The following DIAPH2 variants were observed in gnomAD, a reference collection of about 807,000 sequenced individuals.
DIAPH2 encodes protein diaphanous homolog 2.
Under a neutral mutation model 92.7 loss-of-function variants are expected in DIAPH2, and 35 were observed. The observed-to-expected ratio is 0.38, with a 90% CI of 0.29 to 0.50. The LOEUF (loss-of-function observed/expected upper bound fraction) is 0.50, where lower values mean the gene tolerates loss of function less well. Ranked by LOEUF, DIAPH2 falls within the 20% of genes least tolerant of loss-of-function variation. The pLI is 0.94. For missense variants in DIAPH2, 701 were observed against 819.5 expected (o/e 0.86, Z 1.77); for synonymous variants, 301 against 280.4 (o/e 1.07, Z -0.73).
chrX:97,211,529 C>G (rs1437853043), intron 22 of DIAPH2, among the ~76,000 whole-genome samples: 1 of 111,400 alleles, frequency 9.0e-6, no homozygotes, highest in Non-Finnish European at 1.9e-5. Flanking sequence ...AGACATTGGC[C>G]AGCCCTAGGT....
intron 25 of DIAPH2, among the ~76,000 whole-genome samples, chrX:97,406,857 C>T (rs6620272): frequency 0.38 from 42,216 of 109,881 alleles, 5,819 homozygotes; most frequent in East Asian, 0.56. Flanking sequence ...GGTCCTAAAT[C>T]TTTGCCAAGG....
chrX:97,598,192 C>T (rs1214754294), intron 26 of DIAPH2, among the ~76,000 whole-genome samples: 1 of 111,797 alleles, frequency 8.9e-6, no homozygotes, highest in Non-Finnish European at 1.9e-5. Flanking sequence ...TGGGAGGCCC[C>T]AACCTTTAAC....
intron 4 of DIAPH2, among the ~76,000 whole-genome samples, chrX:96,862,844 C>T (rs935167185): frequency 9.0e-6 from 1 of 111,535 alleles, no homozygotes; most frequent in East Asian, 2.8e-4. Context: ...GAATCCTGGA[C>T]TGTAAACTTT....
chrX:97,177,358 G>A (rs760041642), intron 22 of DIAPH2, among the ~76,000 whole-genome samples: 1 of 111,562 alleles, frequency 9.0e-6, no homozygotes, highest in East Asian at 2.8e-4. Flanking sequence ...GGTTTATATA[G>A]GATTGGACCC....
chrX:97,275,136 G>A (rs1167859884), intron 23 of DIAPH2, among the ~76,000 whole-genome samples: 9 of 112,285 alleles, frequency 8.0e-5, no homozygotes, highest in Admixed American at 5.6e-4. Context: ...ATCATGGCCC[G>A]TTCTCAATGA....
At chrX:96,904,813 AT>A (rs200469205) in intron 5 of DIAPH2, among the ~76,000 whole-genome samples, 3 of 110,986 alleles carry the variant, frequency 2.7e-5, no homozygotes, top group African/African-American at 3.3e-5. Context: ...ATGTTTTCCT[AT>A]TTTAAAAAAA....
At chrX:97,106,846 C>T (rs1040285983) in intron 20 of DIAPH2, among the ~76,000 whole-genome samples, 22 of 111,906 alleles carry the variant, frequency 2.0e-4, no homozygotes, top group Non-Finnish European at 3.8e-4. Flanking sequence ...GCAGGAGAAT[C>T]GTTTGAACGT....
intron 26 of DIAPH2, among the ~76,000 whole-genome samples, chrX:97,565,146 G>A (rs1295321900): frequency 9.0e-6 from 1 of 111,549 alleles, no homozygotes; most frequent in Non-Finnish European, 1.9e-5. Context: ...TAGTGCTTGT[G>A]GATGCCATCT....
At chrX:97,067,749 A>T (rs1385542079) in intron 17 of DIAPH2, among the ~76,000 whole-genome samples, 1 of 112,010 alleles carries the variant, frequency 8.9e-6, no homozygotes, top group East Asian at 2.8e-4. Flanking sequence ...TCAGCATTGT[A>T]TTTGGCATCA....
chrX:97,185,126 T>A (rs1361618241), intron 22 of DIAPH2, among the ~76,000 whole-genome samples: 2 of 98,029 alleles, frequency 2.0e-5, no homozygotes, highest in African/African-American at 3.7e-5. Flanking sequence ...TAAAAATATT[T>A]AAAAAAACAA....
chrX:96,919,606 AAC>A (rs943494457), intron 9 of DIAPH2, among the ~76,000 whole-genome samples: 29 of 112,001 alleles, frequency 2.6e-4, no homozygotes, highest in Non-Finnish European at 3.2e-4. Context: ...ATGTGAAACA[AAC>A]ACAATTAATT....
intron 26 of DIAPH2, among the ~76,000 whole-genome samples, chrX:97,590,323 C>T (rs1368418447): frequency 9.0e-6 from 1 of 111,543 alleles, no homozygotes; most frequent in Admixed American, 9.5e-5. Context: ...CCATCATCAG[C>T]AAGAAATACG....
At chrX:97,119,861 C>A (rs762474380) in intron 21 of DIAPH2, among the ~76,000 whole-genome samples, 1 of 111,739 alleles carries the variant, frequency 8.9e-6, no homozygotes, top group Non-Finnish European at 1.9e-5. Flanking sequence ...CCAGCTCCCA[C>A]GCAATCCAAA....
intron 15 of DIAPH2, chrX:96,954,156 C>T (rs2065794708): frequency 7.1e-5 from 8 of 112,139 alleles, no homozygotes. Context: ...ACAGCTGTCA[C>T]TGCAGTGACT....
intron 23 of DIAPH2, among the ~76,000 whole-genome samples, chrX:97,294,639 T>C (rs1194445918): frequency 3.6e-5 from 4 of 112,026 alleles, no homozygotes; most frequent in African/African-American, 1.3e-4. Flanking sequence ...TATAACAATT[T>C]AGATATATCA....
intron 20 of DIAPH2, among the ~76,000 whole-genome samples, chrX:97,102,668 G>A (rs1201870992): frequency 3.6e-5 from 4 of 112,038 alleles, no homozygotes; most frequent in South Asian, 3.7e-4. Flanking sequence ...TGCCGGGCGC[G>A]TTGGCTCATG....
intron 4 of DIAPH2, among the ~76,000 whole-genome samples, chrX:96,855,923 A>G (rs2065036906): frequency 8.9e-6 from 1 of 111,979 alleles, no homozygotes; most frequent in Non-Finnish European, 1.9e-5. Context: ...CCTTGCTGAA[A>G]AATAACCTTG....
At chrX:97,216,739 T>G (rs1379524593) in intron 22 of DIAPH2, among the ~76,000 whole-genome samples, 1 of 112,129 alleles carries the variant, frequency 8.9e-6, no homozygotes, top group East Asian at 2.8e-4. Flanking sequence ...ACCCATCCAT[T>G]AAGCCCCTTC....
intron 23 of DIAPH2, among the ~76,000 whole-genome samples, chrX:97,319,195 T>G (rs2068868617): frequency 8.9e-6 from 1 of 112,420 alleles, no homozygotes; most frequent in African/African-American, 3.2e-5. Flanking sequence ...CTCTTTCCAT[T>G]TATCGCTGAT....
Sources: allele counts gnomAD v4.1 joint callset (sites outside exome capture counted in the v4.1 genomes callset), GRCh38; gene constraint gnomAD v4.1.1; transcripts MANE v1.5; gene names NCBI Gene and HGNC (gene_info 2026-07-23, HGNC 2026-07-21).